Variants in EYS observed in about 807,000 individuals in gnomAD.
The protein encoded by EYS is EGF-like photoreceptor maintenance factor.
A neutral mutation model predicts 282.1 loss-of-function variants in EYS; 250 were observed. That is an observed-to-expected ratio of 0.89 (90% CI 0.80 to 0.98). The LOEUF is 0.98. EYS is among the 50% of genes least tolerant of loss of function. EYS has a pLI of 0.00. For synonymous variants in EYS, 1,355 were observed against 1,282.9 expected (o/e 1.06, Z -1.20); for missense variants, 4,016 against 3,709.0 (o/e 1.08, Z -2.15).
intron 12 of EYS, among the ~76,000 whole-genome samples, chr6:65,277,654 G>A (rs1267411618): frequency 9.2e-5 from 14 of 152,006 alleles, no homozygotes. Context: ...TTTGTCATAT[G>A]AAACCAAACT....
chr6:63,887,319 T>A (rs1482452), intron 35 of EYS, among the ~76,000 whole-genome samples: 2 of 125,690 alleles, frequency 1.6e-5, no homozygotes, highest in Non-Finnish European at 3.2e-5. Flanking sequence ...AAGGTGTTTT[T>A]TTTTTTTTTT....
intron 13 of EYS, among the ~76,000 whole-genome samples, chr6:65,007,454 A>C (rs1489442963): frequency 6.6e-6 from 1 of 152,186 alleles, no homozygotes; most frequent in Non-Finnish European, 1.5e-5. Context: ...CTCCTGAGGG[A>C]AGTATAAATT....
chr6:64,622,832 A>T (rs1767491245), intron 23 of EYS, among the ~76,000 whole-genome samples: 1 of 152,138 alleles, frequency 6.6e-6, no homozygotes, highest in African/African-American at 2.4e-5. Context: ...CCTAGGAAAA[A>T]ATTTTCAAAA....
At chr6:64,810,918 G>T (rs1398361394) in intron 22 of EYS, among the ~76,000 whole-genome samples, 1 of 151,926 alleles carries the variant, frequency 6.6e-6, no homozygotes, top group African/African-American at 2.4e-5. Flanking sequence ...ATTTTACCAG[G>T]TTTTTAAGAG....
chr6:65,048,628 A>G (rs77794610), intron 13 of EYS, among the ~76,000 whole-genome samples: 3,181 of 151,972 alleles, frequency 0.021, 42 homozygotes, highest in Middle Eastern at 0.075. Flanking sequence ...AGATGCACAT[A>G]CTAGGATTAT....
intron 12 of EYS, among the ~76,000 whole-genome samples, chr6:65,122,308 AACCATTCATACATATC>A (rs1775578753): frequency 2.0e-5 from 3 of 152,116 alleles, no homozygotes; most frequent in Non-Finnish European, 2.9e-5. Flanking sequence ...CACCAGAAGA[AACCATTCATACATATC>A]ACCCCACTTG....
At position 65,196,604 on chromosome 6, in the gene EYS, T is replaced by C. The variant is rs187163452; in HGVS notation, c.2023+99259A>G. Among the ~76,000 whole-genome samples, 274 of 152,206 alleles carry C rather than the reference T, an allele frequency of 1.8e-3. 1 individual carries two copies. Among genetic ancestry groups the C allele is most frequent in the Admixed American group, 4.1e-3 (62 of 15,244 alleles). On this transcript the variant is annotated intron_variant, in intron 12 of 42. Transcript: ENST00000503581. Reference sequence around the variant, plus strand: ...TGAAGAAAACATACAAATTCACTGCTTTTATGAGACTTAAATTCTGGTGTA... The same window carrying C: ...TGAAGAAAACATACAAATTCACTGCCTTTATGAGACTTAAATTCTGGTGTA...
chr6:64,509,920 A>G lies in EYS; in HGVS notation c.5645-70568T>C, dbSNP rs1777331141. 2.0e-5 allele frequency among the ~76,000 whole-genome samples: 3 copies of G among 152,246 alleles called. No homozygotes were observed. In the South Asian group the frequency reaches 6.2e-4, roughly 32 times the overall value. ...ATGTTAATTCCTCTCTCCCACACAA[A>G]TTTTAGTGAGGGCATTATTTCTTAC... On this transcript the variant is annotated intron_variant, in intron 26 of 42. Transcript: ENST00000503581.
At chr6:65,010,239 G>A (rs1212787312) in intron 13 of EYS, among the ~76,000 whole-genome samples, 1 of 152,212 alleles carries the variant, frequency 6.6e-6, no homozygotes, top group Non-Finnish European at 1.5e-5. Flanking sequence ...TGGCCTCATG[G>A]TTTACAGGTA....
intron 22 of EYS, among the ~76,000 whole-genome samples, chr6:64,749,861 G>A (rs578202721): frequency 6.6e-6 from 1 of 152,118 alleles, no homozygotes; most frequent in East Asian, 1.9e-4. Flanking sequence ...TGGCATTTAG[G>A]AAGTTAGAGG....
chr6:64,776,048 T>C (rs572169834), intron 22 of EYS, among the ~76,000 whole-genome samples: 2 of 151,980 alleles, frequency 1.3e-5, no homozygotes, highest in Admixed American at 6.6e-5. Flanking sequence ...TCTATAAAAA[T>C]GCAGAAAGCA....
chr6:65,405,176 T>C lies in EYS; in HGVS notation c.1054A>G (p.Asn352Asp). 6.2e-7 allele frequency: 1 copy of C among 1,609,524 alleles called. No homozygotes were observed. Among genetic ancestry groups the C allele is most frequent in the Non-Finnish European group, 8.5e-7 (1 of 1,176,272 alleles). ...TTATATGTTAGATTGAGACTTACAT[T>C]TGATATTTTGATGCAGTCAGTACCA... ...QNGTDCIKIS[N>D]DVMCICSPIF... The change falls in exon 6 of 43, where the codon AAT (asparagine) becomes GAT (aspartate). Residue 352 changes from asparagine (N) to aspartate (D), a missense_variant and splice_region_variant. By Grantham distance (23) the Asn-to-Asp change is conservative. Coordinates refer to ENST00000503581, the MANE Select transcript of EYS (RefSeq NM_001142800.2).
At chr6:65,521,556 G>A (rs1430785304) in intron 2 of EYS, among the ~76,000 whole-genome samples, 1 of 152,014 alleles carries the variant, frequency 6.6e-6, no homozygotes, top group Non-Finnish European at 1.5e-5. Context: ...CCATATCTTA[G>A]TCTAACTTAC....
intron 22 of EYS, among the ~76,000 whole-genome samples, chr6:64,728,636 T>C (rs1315597691): frequency 6.6e-6 from 1 of 152,026 alleles, no homozygotes; most frequent in Non-Finnish European, 1.5e-5. Context: ...CGACCAGCCA[T>C]GTTACAGTGT....
chr6:64,294,378 G>A (rs1362137579), intron 30 of EYS, among the ~76,000 whole-genome samples: 1 of 152,182 alleles, frequency 6.6e-6, no homozygotes, highest in Non-Finnish European at 1.5e-5. Flanking sequence ...GTGTCACTGA[G>A]CATCAGGCAA....
At chr6:64,585,418 C>G (rs1766204570) in intron 26 of EYS, among the ~76,000 whole-genome samples, 6 of 152,074 alleles carry the variant, frequency 3.9e-5, no homozygotes, top group Admixed American at 3.9e-4. Context: ...CAGCATCACA[C>G]AATACACCAT....
intron 5 of EYS, among the ~76,000 whole-genome samples, chr6:65,456,359 A>T (rs1409695858): frequency 6.6e-6 from 1 of 151,842 alleles, no homozygotes; most frequent in East Asian, 1.9e-4. Flanking sequence ...CTGAGGCGGG[A>T]GAACCACTTG....
intron 31 of EYS, among the ~76,000 whole-genome samples, chr6:64,121,949 T>G (rs987983927): frequency 6.6e-6 from 1 of 152,210 alleles, no homozygotes; most frequent in Non-Finnish European, 1.5e-5. Flanking sequence ...AATGCTTTTA[T>G]TTTTTAATTT....
At chr6:64,296,565 TATATATATATATATATATACATATA>T (rs1769007390) in intron 30 of EYS, among the ~76,000 whole-genome samples, 20 of 7,444 alleles carry the variant, frequency 2.7e-3, no homozygotes, top group African/African-American at 1.0e-2. Flanking sequence ...TATATATATA[TATATATATATATATATATACATATA>T]TATATATATT....
Sources: allele counts gnomAD v4.1 joint callset (sites outside exome capture counted in the v4.1 genomes callset), GRCh38; gene constraint gnomAD v4.1.1; transcripts MANE v1.5; gene names NCBI Gene and HGNC (gene_info 2026-07-23, HGNC 2026-07-21).